The following MAN1A1 variants were observed in gnomAD, a reference collection of about 807,000 sequenced individuals.
MAN1A1 encodes the protein mannosyl-oligosaccharide 1,2-alpha-mannosidase IA.
Under a neutral mutation model 70.8 loss-of-function variants are expected in MAN1A1, and 29 were observed. The observed-to-expected ratio is 0.41, with a 90% CI of 0.31 to 0.56. MAN1A1 has a LOEUF of 0.56. MAN1A1 is among the 20% of genes least tolerant of loss of function. The pLI is 0.29. For synonymous variants in MAN1A1, 349 were observed against 330.1 expected, an observed-to-expected ratio of 1.06 and a Z score of -0.62; for missense variants, 747 against 841.3, an observed-to-expected ratio of 0.89 and a Z score of 1.39.
intron 6 of MAN1A1, among the ~76,000 whole-genome samples, chr6:119,232,265 C>G (rs987141751): frequency 6.7e-6 from 1 of 148,508 alleles, no homozygotes; most frequent in Admixed American, 6.9e-5. Flanking sequence ...CCCAGCTACT[C>G]GGGAGGCTGA....
intron 6 of MAN1A1, among the ~76,000 whole-genome samples, chr6:119,237,361 G>A (rs1225511327): frequency 6.6e-6 from 1 of 152,106 alleles, no homozygotes; most frequent in African/African-American, 2.4e-5. Context: ...TTCATTATTG[G>A]CTAGGTGTGG....
chr6:119,222,763 T>TTA, intron 6 of MAN1A1, among the ~76,000 whole-genome samples: 1 of 152,338 alleles, frequency 6.6e-6, no homozygotes, highest in Admixed American at 6.5e-5. Flanking sequence ...AAAATGTTAT[T>TTA]TATATAATCA....
chr6:119,313,307 C>T (rs756283916), intron 2 of MAN1A1, among the ~76,000 whole-genome samples: 1 of 152,130 alleles, frequency 6.6e-6, no homozygotes, highest in Non-Finnish European at 1.5e-5. Context: ...TAGGAATGAT[C>T]CTTGTCCTCA....
At chr6:119,241,096 A>AT (rs1176753042) in intron 6 of MAN1A1, among the ~76,000 whole-genome samples, 2 of 151,874 alleles carry the variant, frequency 1.3e-5, no homozygotes, top group Non-Finnish European at 2.9e-5. Context: ...AAAAATGCTT[A>AT]TTTTTTCCCC....
At chr6:119,313,191 C>T (rs957137874) in intron 2 of MAN1A1, among the ~76,000 whole-genome samples, 1 of 152,152 alleles carries the variant, frequency 6.6e-6, no homozygotes, top group African/African-American at 2.4e-5. Context: ...CCTGATGTGA[C>T]TCCGCCTTCA....
intron 6 of MAN1A1, among the ~76,000 whole-genome samples, chr6:119,239,872 A>G (rs1430320830): frequency 3.3e-5 from 5 of 152,234 alleles, no homozygotes; most frequent in Non-Finnish European, 4.4e-5. Flanking sequence ...AGTTCTGTAC[A>G]CAGCATAAAT....
intron 2 of MAN1A1, among the ~76,000 whole-genome samples, chr6:119,328,421 T>A (rs951676387): frequency 6.6e-6 from 1 of 152,248 alleles, no homozygotes; most frequent in Non-Finnish European, 1.5e-5. Context: ...GCACTGTATA[T>A]CTTCACAGGG....
At chr6:119,244,984 C>T (rs772573653) in intron 6 of MAN1A1, among the ~76,000 whole-genome samples, 2 of 152,094 alleles carry the variant, frequency 1.3e-5, no homozygotes, top group Non-Finnish European at 2.9e-5. Flanking sequence ...AACCAATTAT[C>T]TTTAGGCAAT....
chr6:119,194,348 T>G (rs960922452), intron 8 of MAN1A1, among the ~76,000 whole-genome samples: 2 of 152,188 alleles, frequency 1.3e-5, no homozygotes, highest in Admixed American at 6.5e-5. Context: ...TTATTATTTC[T>G]AAACTCACTC....
chr6:119,348,517 C>T lies in MAN1A1; in HGVS notation c.549G>A (p.Glu183=), dbSNP rs776540096. The T allele has an allele frequency of 6.2e-7, 1 of 1,612,166 alleles. No homozygotes were observed. Among genetic ancestry groups the T allele is most frequent in the Admixed American group, 1.7e-5 (1 of 59,700 alleles). ...PVDFVPPIGV[E]SREPADAAIR... Reference sequence around the variant, plus strand: ...TGGCGGCGTCGGCGGGCTCCCGGCTCTCCACCCCGATTGGGGGCACGAAGT... The same window carrying T: ...TGGCGGCGTCGGCGGGCTCCCGGCTTTCCACCCCGATTGGGGGCACGAAGT... Residue 183 remains glutamate, a synonymous_variant, in exon 2 of 13, where the codon GAG becomes GAA. Transcript: ENST00000368468.
intron 6 of MAN1A1, among the ~76,000 whole-genome samples, chr6:119,231,522 G>A (rs1774675902): frequency 6.6e-6 from 1 of 152,208 alleles, no homozygotes; most frequent in Non-Finnish European, 1.5e-5. Context: ...CTTCATAGCG[G>A]TGTGAGAACA....
At chr6:119,344,045 T>C (rs935134558) in intron 2 of MAN1A1, among the ~76,000 whole-genome samples, 2 of 152,258 alleles carry the variant, frequency 1.3e-5, no homozygotes, top group Non-Finnish European at 2.9e-5. Flanking sequence ...AGTTCTTCAA[T>C]GAATTCCAAC....
intron 5 of MAN1A1, among the ~76,000 whole-genome samples, chr6:119,285,187 G>A (rs1426018775): frequency 1.3e-5 from 2 of 150,344 alleles, no homozygotes; most frequent in Non-Finnish European, 3.0e-5. Context: ...TTATTGCCTG[G>A]ACTTGTCTCA....
chr6:119,196,637 C>G (rs1773576344), intron 8 of MAN1A1, among the ~76,000 whole-genome samples: 1 of 152,032 alleles, frequency 6.6e-6, no homozygotes, highest in African/African-American at 2.4e-5. Context: ...AGAATAGGTC[C>G]CATAAAAGGA....
rs141402861 is a variant in MAN1A1, at chr6:119,348,661, G to A, written c.405C>T (p.Ala135=). 29 of 1,613,026 alleles carry A rather than the reference G, an allele frequency of 1.8e-5. No homozygotes were observed. The highest frequency in any genetic ancestry group is 2.5e-5 in the Non-Finnish European group (29 of 1,179,634). Residue 135 remains alanine (A), a synonymous_variant, in exon 2 of 13, where the codon GCC becomes GCT. Transcript: ENST00000368468. ...CGGGCAGCTTCTGCAGGGTCTCCTT[G>A]GCTTCCCTGAGAGCCCGCTCGTGGT... The part of the protein sequence containing the change: ...RENHERALRE[A]KETLQKLPEE...
At chr6:119,310,633 T>A (rs1489080117) in intron 2 of MAN1A1, among the ~76,000 whole-genome samples, 1 of 152,024 alleles carries the variant, frequency 6.6e-6, no homozygotes, top group Non-Finnish European at 1.5e-5. Flanking sequence ...CTGGGAAACA[T>A]TCAGAGAGAA....
intron 2 of MAN1A1, among the ~76,000 whole-genome samples, chr6:119,316,744 G>C (rs1318310586): frequency 6.6e-6 from 1 of 151,862 alleles, no homozygotes; most frequent in East Asian, 1.9e-4. Flanking sequence ...TTATAGATTT[G>C]TCAACCTTAT....
At chr6:119,312,256 G>C (rs918812104) in intron 2 of MAN1A1, among the ~76,000 whole-genome samples, 18 of 152,302 alleles carry the variant, frequency 1.2e-4, no homozygotes, top group African/African-American at 4.3e-4. Flanking sequence ...TTGAAAAACA[G>C]TGATTTTAAA....
chr6:119,246,948 T>A (rs1775184040), intron 6 of MAN1A1, among the ~76,000 whole-genome samples: 1 of 152,014 alleles, frequency 6.6e-6, no homozygotes, highest in African/African-American at 2.4e-5. Flanking sequence ...ACGATTAATA[T>A]CTCAGTTTAA....
Sources: gnomAD v4.1 joint callset for allele counts (sites outside exome capture counted in the v4.1 genomes callset) on GRCh38, gnomAD v4.1.1 for gene constraint, MANE v1.5 for transcripts, NCBI Gene and HGNC (gene_info 2026-07-23, HGNC 2026-07-21) for gene names.